SMYD5: variants seen among roughly 807,000 people sequenced by gnomAD.
SMYD5 encodes the protein protein-lysine N-trimethyltransferase SMYD5.
In SMYD5, 35 loss-of-function variants were observed where a neutral mutation model predicts 57.4. The ratio of observed to expected loss-of-function variants is 0.61; its 90% CI spans 0.47 to 0.81. The LOEUF is 0.81. Among genes scored for constraint, SMYD5 ranks in the 30% least tolerant of loss-of-function variants. The pLI is 0.00. For synonymous variants in SMYD5, 198 were observed against 189.7 expected (o/e 1.04, Z -0.36); for missense variants, 471 against 527.9 (o/e 0.89, Z 1.06).
chr2:73,216,243 A>T (rs1198518234), intron 1 of SMYD5, among the ~76,000 whole-genome samples: 1 of 152,156 alleles, frequency 6.6e-6, no homozygotes, highest in East Asian at 1.9e-4. Flanking sequence ...TCTTCTTTTA[A>T]TCAAGATTTT....
chr2:73,222,698 G>A, intron 6 of SMYD5, 57 bp from the exon 7 acceptor site: 7 of 1,490,120 alleles, frequency 4.7e-6, no homozygotes, highest in Non-Finnish European at 6.5e-6. Context: ...GGCCCTGCCT[G>A]GGTGCTAATG....
chr2:73,216,540 T>C (rs1252748696), intron 1 of SMYD5, among the ~76,000 whole-genome samples: 1 of 151,778 alleles, frequency 6.6e-6, no homozygotes. Context: ...GTACTAAAAA[T>C]ACAAAAATTA....
At chr2:73,223,374 C>T (rs1376580316) in intron 8 of SMYD5, 52 bp from the exon 9 acceptor site, 13 of 1,272,114 alleles carry the variant, frequency 1.0e-5, no homozygotes, top group Non-Finnish European at 1.5e-5. Flanking sequence ...GTGGAGAGCC[C>T]TGTGACCTGG....
In SMYD5 at chr2:73,220,068, A is replaced by G. The variant is rs1686355178; in HGVS notation, c.223A>G (p.Arg75Gly). Residue 75 changes from arginine to glycine, a missense_variant, in exon 3 of 13, where the codon AGG (arginine) becomes GGG (glycine). By Grantham distance (125) the Arg-to-Gly change is moderately radical. Coordinates refer to ENST00000389501, the MANE Select transcript of SMYD5 (RefSeq NM_006062.3). ...ACCGTCAGCCTGTGACCACTGCCTT[A>G]GGGCACTAGAGAAGGCAGAGGAGAA... Reference protein sequence around the residue: ...YRYRACDHCLRALEKAEENAQ... With the variant: ...YRYRACDHCLGALEKAEENAQ... 2 of 1,614,182 alleles carry G rather than the reference A, an allele frequency of 1.2e-6. No individual in the cohort carries two copies. Among genetic ancestry groups the G allele is most frequent in the East Asian group, 4.5e-5 (2 of 44,894 alleles).
At position 73,223,476 on chromosome 2, in the gene SMYD5, A is replaced by C. The variant is rs767591949; in HGVS notation, c.827A>C (p.Gln276Pro). 6.2e-7 allele frequency: 1 copy of C among 1,614,170 alleles called. No individual in the cohort carries two copies. The highest frequency in any genetic ancestry group is 8.5e-7 in the Non-Finnish European group (1 of 1,180,008). The change falls in exon 9 of 13, where the codon CAG becomes CCG. Residue 276 changes from glutamine to proline, a missense_variant. By Grantham distance (76) the Gln-to-Pro change is moderately conservative (BLOSUM62 -1). Transcript: ENST00000389501. ...HACDTLELKP[Q>P]DREQLDAFID... ...TGTGACACTCTGGAGTTGAAGCCTCAGGACCGTGAGCAGCTTGACGCCTTC... is the reference window on the plus strand; with the variant it reads ...TGTGACACTCTGGAGTTGAAGCCTCCGGACCGTGAGCAGCTTGACGCCTTC...
intron 11 of SMYD5, chr2:73,225,295 G>A (rs1686478492): frequency 2.0e-6 from 1 of 495,410 alleles, no homozygotes; most frequent in Non-Finnish European, 3.6e-6. Flanking sequence ...GTCTGTTAGT[G>A]CAGGCACAGT....
chr2:73,214,295 C>A lies in SMYD5; in HGVS notation c.29C>A (p.Ser10Tyr). 1 of 1,613,924 alleles carries A rather than the reference C, an allele frequency of 6.2e-7. No homozygotes were observed. Among genetic ancestry groups the A allele is most frequent in the South Asian group, 1.1e-5 (1 of 91,068 alleles). Residue 10 changes from serine (S) to tyrosine (Y), a missense_variant, in exon 1 of 13, where the codon TCC becomes TAC. Transcript: ENST00000389501. ...GCGGCCTCCATGTGCGACGTGTTCT[C>A]CTTCTGCGTGGGCGTGGCGGGCCGC... is the stretch of plus-strand genomic sequence containing the variant. MAASMCDVFSFCVGVAGRAR... is the reference protein window; with the variant it reads MAASMCDVFYFCVGVAGRAR...
At chr2:73,219,592 G>C (rs7605177) in intron 2 of SMYD5, among the ~76,000 whole-genome samples, 1 of 152,214 alleles carries the variant, frequency 6.6e-6, no homozygotes, top group African/African-American at 2.4e-5. Context: ...ATGTTGGCTA[G>C]GCTGGTCTTG....
At chr2:73,220,547 C>A in intron 3 of SMYD5, 114 bp from the exon 4 acceptor site, 1 of 1,277,942 alleles carries the variant, frequency 7.8e-7, no homozygotes, top group Non-Finnish European at 1.1e-6. Context: ...TATGTTTTCT[C>A]TTCTCATGAT....
At chr2:73,217,844 A>G (rs1686317834) in intron 1 of SMYD5, among the ~76,000 whole-genome samples, 2 of 152,196 alleles carry the variant, frequency 1.3e-5, no homozygotes, top group Non-Finnish European at 2.9e-5. Context: ...CAATAAGGCC[A>G]GTAACTGCCT....
chr2:73,218,179 T>C (rs1349553615), intron 1 of SMYD5, among the ~76,000 whole-genome samples: 2 of 152,226 alleles, frequency 1.3e-5, no homozygotes, highest in African/African-American at 4.8e-5. Context: ...CCCTGGAAAC[T>C]ACCTTGTAGG....
intron 11 of SMYD5, 86 bp from the exon 12 acceptor site, chr2:73,225,545 T>G: frequency 1.6e-6 from 2 of 1,233,636 alleles, no homozygotes; most frequent in Non-Finnish European, 1.2e-6. Flanking sequence ...GATGGGGCAG[T>G]GGTTGGAGAT....
rs756655845 is a variant in SMYD5 at position 73,214,314 on chromosome 2, G to A, written c.48G>A (p.Ala16=). 16 of 1,613,548 alleles carry A rather than the reference G, an allele frequency of 9.9e-6. No individual in the cohort carries two copies. In the Admixed American group the frequency reaches 2.5e-4, roughly 25 times the overall value. ...TGTTCTCCTTCTGCGTGGGCGTGGCGGGCCGCGCGCGGGTCTCCGTGGAAG... is the reference window on the plus strand; with the variant it reads ...TGTTCTCCTTCTGCGTGGGCGTGGCAGGCCGCGCGCGGGTCTCCGTGGAAG... ...CDVFSFCVGV[A]GRARVSVEVR... Residue 16 remains alanine (A), a synonymous_variant, in exon 1 of 13, where the codon GCG becomes GCA. Transcript: ENST00000389501.
Position 73,227,073 on chromosome 2 carries a change from G to C in SMYD5, c.*1127G>C, listed in dbSNP as rs556096384. Reference sequence around the variant, plus strand: ...CTGCTGAGGGATCCCAGAGAGGGCAGGTGCCCACCCCACAGGCCCTTTCCT... The same window carrying C: ...CTGCTGAGGGATCCCAGAGAGGGCACGTGCCCACCCCACAGGCCCTTTCCT... On this transcript the variant is annotated 3_prime_UTR_variant, in exon 13 of 13. Transcript: ENST00000389501. 6.5e-6 allele frequency: 1 copy of C among 152,928 alleles called. No individual in the cohort carries two copies. Among genetic ancestry groups the C allele is most frequent in the East Asian group, 1.9e-4 (1 of 5,180 alleles). The allele number at this position is 152,928 out of a possible 1,614,324, so 9.5% of individuals were successfully genotyped here. A position where few individuals can be genotyped will look rare whatever the true frequency, so the allele number is the denominator to read the frequency against.
chr2:73,224,164 C>T (rs1686457303), intron 10 of SMYD5, among the ~76,000 whole-genome samples, 161 bp downstream of exon 10: 1 of 152,170 alleles, frequency 6.6e-6, no homozygotes, highest in African/African-American at 2.4e-5. Flanking sequence ...TCCCCTGGGC[C>T]TTTTTGTTCT....
Position 73,222,597 on chromosome 2 carries a change from T to C in SMYD5, c.643-158T>C, listed in dbSNP as rs1030807263. Among the ~76,000 whole-genome samples the C allele has an allele frequency of 1.4e-4, 21 of 152,322 alleles. 1 individual carries two copies. The highest frequency in any genetic ancestry group is 6.2e-4 in the South Asian group (3 of 4,830). On this transcript the variant is annotated intron_variant, in intron 6 of 12. Transcript: ENST00000389501. ...ACAGGCCGGCAGACTGCCAAAGCTC[T>C]TTGGAGGTAGACTCTGTGGCCTTCC...
intron 6 of SMYD5, 92 bp from the exon 7 acceptor site, chr2:73,222,663 T>C: frequency 9.3e-7 from 1 of 1,075,976 alleles, no homozygotes; most frequent in Non-Finnish European, 1.4e-6. Context: ...GCTGGCCCTT[T>C]TTCCTTCCCT....
chr2:73,222,814 C>G lies in SMYD5; in HGVS notation c.702C>G (p.Ser234Arg), dbSNP rs373674723. Residue 234 changes from serine (S) to arginine (R), a missense_variant, in exon 7 of 13, where the codon AGC becomes AGG. Coordinates refer to ENST00000389501, the MANE Select transcript of SMYD5 (RefSeq NM_006062.3). ...AGGCCCTCTATGAGGAAGCAGTCAG[C>G]CAGGTGAGTGAGGAGAGGGTGGGAC... ...FTEALYEEAV[S>R]QWFTPDGFRS... is the part of the protein sequence containing the mutation. 1 of 1,613,628 alleles carries G rather than the reference C, an allele frequency of 6.2e-7. No homozygotes were observed. The highest frequency in any genetic ancestry group is 1.3e-5 in the African/African-American group (1 of 74,938).
At chr2:73,217,426 T>G (rs1340053941) in intron 1 of SMYD5, among the ~76,000 whole-genome samples, 1 of 152,194 alleles carries the variant, frequency 6.6e-6, no homozygotes, top group Non-Finnish European at 1.5e-5. Context: ...ATATTGAAAT[T>G]TGAGATTGTC....
Sources: gnomAD v4.1 joint callset for allele counts (sites outside exome capture counted in the v4.1 genomes callset) on GRCh38, gnomAD v4.1.1 for gene constraint, MANE v1.5 for transcripts, NCBI Gene and HGNC (gene_info 2026-07-23, HGNC 2026-07-21) for gene names.